Variants in MDN1 observed in about 807,000 individuals in gnomAD.
The protein encoded by MDN1 is midasin AAA ATPase 1, also known as midasin.
In MDN1, 266 loss-of-function variants were observed where a neutral mutation model predicts 669.2. The ratio of observed to expected loss-of-function variants is 0.40; its 90% CI spans 0.36 to 0.44. The LOEUF (loss-of-function observed/expected upper bound fraction) is 0.44. Among genes scored for constraint, MDN1 ranks in the 20% least tolerant of loss-of-function variants. The probability of loss-of-function intolerance (pLI) is 1.00; values close to 1 mark genes in which losing one functional copy is unlikely to be tolerated. For missense variants in MDN1, 5,940 were observed against 6,754.0 expected (o/e 0.88, Z 4.22); for synonymous variants, 2,385 against 2,457.1 (o/e 0.97, Z 0.87).
chr6:89,763,332 CA>C (rs35383804), intron 15 of MDN1, among the ~76,000 whole-genome samples: 39,941 of 97,032 alleles, frequency 0.41, 5,983 homozygotes, highest in Non-Finnish European at 0.47. Context: ...GTAGGGCACG[CA>C]AAAAAAAAAA....
chr6:89,789,972 C>G, intron 6 of MDN1, 61 bp from the exon 7 acceptor site: 10 of 1,592,516 alleles, frequency 6.3e-6, no homozygotes, highest in Non-Finnish European at 8.6e-6. Context: ...ATGCTACATC[C>G]TTTGATTAAC....
chr6:89,653,720 C>G (rs1809048714), intron 93 of MDN1, among the ~76,000 whole-genome samples: 1 of 151,880 alleles, frequency 6.6e-6, no homozygotes, highest in Non-Finnish European at 1.5e-5. Context: ...TTTTTTTTGC[C>G]AAGTAATTAA....
Position 89,655,783 on chromosome 6 carries a change from T to A in MDN1, c.15471A>T (p.Ala5157=). Residue 5157 remains alanine (A), a synonymous_variant, in exon 92 of 102, where the codon GCA becomes GCT. Coordinates refer to ENST00000369393, the MANE Select transcript of MDN1 (RefSeq NM_014611.3). ...CCGTACCATAGGTCTGTGCATCGTATGCGTCACTGCCTTGTTTAATGTGCT... is the reference window on the plus strand; with the variant it reads ...CCGTACCATAGGTCTGTGCATCGTAAGCGTCACTGCCTTGTTTAATGTGCT... ...AFEHIKQGSD[A]YDAQTYDVAS... The A allele has an allele frequency of 7.5e-6, 12 of 1,610,672 alleles. No individual in the cohort carries two copies. The highest frequency in any genetic ancestry group is 1.0e-5 in the Non-Finnish European group (12 of 1,178,544).
intron 1 of MDN1, among the ~76,000 whole-genome samples, chr6:89,806,874 G>A (rs1310625248): frequency 2.0e-5 from 3 of 151,038 alleles, no homozygotes; most frequent in South Asian, 2.1e-4. Context: ...AGCCATGATC[G>A]TGCCCACTGC....
chr6:89,651,973 G>A (rs1808903300), intron 95 of MDN1, among the ~76,000 whole-genome samples: 1 of 152,148 alleles, frequency 6.6e-6, no homozygotes, highest in Non-Finnish European at 1.5e-5. Context: ...AAGGAATTAA[G>A]CACACCAATT....
intron 37 of MDN1, among the ~76,000 whole-genome samples, chr6:89,727,592 C>A (rs1815320455): frequency 6.6e-6 from 1 of 152,186 alleles, no homozygotes; most frequent in African/African-American, 2.4e-5. Flanking sequence ...CAGTTTTCCT[C>A]TGAAGGATAA....
intron 84 of MDN1, among the ~76,000 whole-genome samples, chr6:89,666,972 G>A (rs1810296422): frequency 6.6e-6 from 1 of 152,128 alleles, no homozygotes; most frequent in South Asian, 2.1e-4. Flanking sequence ...AAATAATGCT[G>A]TAGTAAATAT....
intron 2 of MDN1, among the ~76,000 whole-genome samples, chr6:89,795,887 G>A (rs530487896): frequency 2.3e-4 from 35 of 152,208 alleles, no homozygotes; most frequent in Admixed American, 3.9e-4. Context: ...CCCGGGAAGC[G>A]GAGGTTGCAG....
Position 89,661,579 on chromosome 6 carries a change from C to T in MDN1, c.14566-1G>A. The T allele has an allele frequency of 6.2e-7, 1 of 1,609,720 alleles. No individual in the cohort carries two copies. Among genetic ancestry groups the T allele is most frequent in the Non-Finnish European group, 8.5e-7 (1 of 1,178,884 alleles). On this transcript the variant is annotated splice_acceptor_variant, in intron 87 of 101. Transcript: ENST00000369393. LOFTEE classifies it high-confidence loss of function. ...CCACCTCATTTTCATCATAGTCCCT[C>T]TTTGGGACAATGGAGACAACAGGGA...
At chr6:89,781,677 C>T in intron 9 of MDN1, 85 bp from the exon 10 acceptor site, 2 of 1,200,548 alleles carry the variant, frequency 1.7e-6, no homozygotes, top group South Asian at 1.6e-5. Flanking sequence ...AACTGGTCAG[C>T]CAAAAATTGT....
intron 55 of MDN1, among the ~76,000 whole-genome samples, chr6:89,701,130 C>G (rs886884990): frequency 1.3e-5 from 2 of 152,164 alleles, no homozygotes; most frequent in South Asian, 4.1e-4. Context: ...TTGTTATGTG[C>G]GGGTTCCGCA....
Position 89,688,673 on chromosome 6 carries a change from T to C in MDN1, c.11159A>G (p.Asn3720Ser), listed in dbSNP as rs1402445800. The change falls in exon 66 of 102, where the codon AAT becomes AGT. Residue 3720 changes from asparagine to serine, a missense_variant. Physicochemically the swap from Asn to Ser is conservative, Grantham distance 46 (BLOSUM62 1). Transcript: ENST00000369393. Reference protein sequence around the residue: ...DGPYDFYQHPNVPEARQCQPV... With the variant: ...DGPYDFYQHPSVPEARQCQPV... ...TTGACACTGCCGTGCTTCTGGAACA[T>C]TGGGATGCTGGTAGAAGTCATAGGG... is the stretch of plus-strand genomic sequence containing the variant. 6 of 1,614,080 alleles carry C rather than the reference T, an allele frequency of 3.7e-6. No homozygotes were observed. Among genetic ancestry groups the C allele is most frequent in the East Asian group, 2.2e-5 (1 of 44,882 alleles).
At position 89,643,898 on chromosome 6, in the gene MDN1, A is replaced by G. The variant is rs555455231; in HGVS notation, c.*107T>C. On this transcript the variant is annotated 3_prime_UTR_variant, in exon 102 of 102. Coordinates refer to ENST00000369393, the MANE Select transcript of MDN1 (RefSeq NM_014611.3). Reference sequence around the variant, plus strand: ...GGCTGTAAGATCACGTTGTAAAATAAAAATATTACAATAAAATTTTTTGTA... The same window carrying G: ...GGCTGTAAGATCACGTTGTAAAATAGAAATATTACAATAAAATTTTTTGTA... 1 of 983,638 alleles carries G rather than the reference A, an allele frequency of 1.0e-6. No homozygotes were observed. Among genetic ancestry groups the G allele is most frequent in the African/African-American group, 1.7e-5 (1 of 60,078 alleles). 60.9% of individuals were successfully genotyped at this position (983,638 alleles called of 1,614,324 possible).
intron 8 of MDN1, 101 bp downstream of exon 8, chr6:89,787,753 G>A: frequency 2.6e-6 from 2 of 776,732 alleles, no homozygotes; most frequent in South Asian, 3.4e-5. Flanking sequence ...AACCTTGCTT[G>A]AAGTAGACCC....
chr6:89,808,923 G>C (rs962773141), intron 1 of MDN1, among the ~76,000 whole-genome samples: 1 of 152,100 alleles, frequency 6.6e-6, no homozygotes, highest in Non-Finnish European at 1.5e-5. Flanking sequence ...ATGAACAAAA[G>C]TATATGTATT....
chr6:89,646,805 T>C (rs556514602), intron 99 of MDN1, among the ~76,000 whole-genome samples: 42 of 152,300 alleles, frequency 2.8e-4, no homozygotes, highest in African/African-American at 8.2e-4. Context: ...TTTTTAATTA[T>C]TATTTTTTGA....
At chr6:89,763,687 C>G (rs1384080184) in intron 15 of MDN1, among the ~76,000 whole-genome samples, 1 of 151,812 alleles carries the variant, frequency 6.6e-6, no homozygotes, top group East Asian at 1.9e-4. Context: ...TAAAAGGTAC[C>G]AAAATATGTT....
chr6:89,773,255 C>T (rs957643818), intron 13 of MDN1, among the ~76,000 whole-genome samples: 1 of 152,098 alleles, frequency 6.6e-6, no homozygotes, highest in African/African-American at 2.4e-5. Context: ...GAAATACACA[C>T]ACAAGGCAGA....
At chr6:89,727,997 A>G (rs1815346865) in intron 36 of MDN1, 42 bp from the exon 37 acceptor site, 2 of 1,569,814 alleles carry the variant, frequency 1.3e-6, no homozygotes, top group African/African-American at 2.7e-5. Context: ...TTATTACTTT[A>G]AAAATCAACT....
Sources: allele counts gnomAD v4.1 joint callset (sites outside exome capture counted in the v4.1 genomes callset), GRCh38; gene constraint gnomAD v4.1.1; transcripts MANE v1.5; gene names NCBI Gene and HGNC (gene_info 2026-07-23, HGNC 2026-07-21).